Variants in CDR2L observed in about 807,000 individuals in gnomAD.
The protein encoded by CDR2L is cerebellar degeneration-related protein 2-like.
Under a neutral mutation model 36.1 loss-of-function variants are expected in CDR2L, and 19 were observed. The ratio of observed to expected loss-of-function variants is 0.53; its 90% confidence interval spans 0.37 to 0.77. The LOEUF is 0.77. Among genes scored for constraint, CDR2L ranks in the 30% least tolerant of loss-of-function variants. The probability of loss-of-function intolerance (pLI) is 0.00; values close to 1 mark genes in which losing one functional copy is unlikely to be tolerated. For synonymous variants in CDR2L, 285 were observed against 280.4 expected, an observed-to-expected ratio of 1.02 and a Z score of -0.16; for missense variants, 575 against 627.2, an observed-to-expected ratio of 0.92 and a Z score of 0.89.
intron 4 of CDR2L, 147 bp from the exon 5 acceptor site, chr17:75,003,036 G>C: frequency 1.2e-6 from 1 of 803,654 alleles, no homozygotes; most frequent in Non-Finnish European, 1.9e-6. Context: ...GAGGAGGGTG[G>C]AGAGCCAACG....
intron 1 of CDR2L, among the ~76,000 whole-genome samples, chr17:74,997,667 G>A (rs996685634): frequency 1.3e-5 from 2 of 151,520 alleles, no homozygotes; most frequent in African/African-American, 4.9e-5. Context: ...TAGGAGGGTC[G>A]CTTGAGGCCA....
intron 1 of CDR2L, among the ~76,000 whole-genome samples, chr17:74,996,107 ACAAT>A (rs915882452): frequency 9.2e-5 from 14 of 152,054 alleles, no homozygotes; most frequent in African/African-American, 3.1e-4. Context: ...AACCATCACC[ACAAT>A]CAATTTTAGA....
In CDR2L at chr17:75,003,829, G is replaced by C. The variant is rs766628578; in HGVS notation, c.1153G>C (p.Gly385Arg). 6.4e-7 allele frequency: 1 copy of C among 1,563,150 alleles called. No homozygotes were observed. Among genetic ancestry groups the C allele is most frequent in the South Asian group, 1.2e-5 (1 of 84,990 alleles). ...RQHGAGVRHA[G>R]VQTSRPISRD... ...GCACGGGGCCGGAGTGCGGCACGCC[G>C]GCGTGCAGACCTCGCGCCCCATCTC... Residue 385 changes from glycine to arginine, a missense_variant, in exon 5 of 5, where the codon GGC becomes CGC. By Grantham distance (125) the Gly-to-Arg change is moderately radical. Transcript: ENST00000337231.
At chr17:74,992,980 G>A (rs890006936) in intron 1 of CDR2L, among the ~76,000 whole-genome samples, 3 of 152,202 alleles carry the variant, frequency 2.0e-5, no homozygotes, top group African/African-American at 7.2e-5. Flanking sequence ...CTCCATGAAG[G>A]CCACTTACTT....
rs2039895490 is a variant in CDR2L at position 75,005,118 on chromosome 17, GC to G, written c.*1048del. On this transcript the variant is annotated 3_prime_UTR_variant, in exon 5 of 5. Coordinates refer to ENST00000337231, the MANE Select transcript of CDR2L (RefSeq NM_014603.3). This position sits in a 1 kb window ranked among gnomAD's most constrained non-coding sequence, Gnocchi z 4.2. ...CCCTTCACTGGGGACTGGGGTTTTC[GC>G]CCCATGCTGCATCGTGTTGTATTGG... 1 of 152,502 alleles carries G rather than the reference GC, an allele frequency of 6.6e-6. No individual in the cohort carries two copies. 9.4% of individuals were successfully genotyped at this position (152,502 alleles called of 1,614,324 possible). A position where few individuals can be genotyped will look rare whatever the true frequency, so the allele number is the denominator to read the frequency against.
intron 1 of CDR2L, 140 bp downstream of exon 1, chr17:74,988,262 A>T (rs2039775857): frequency 1.9e-6 from 1 of 530,804 alleles, no homozygotes; most frequent in Admixed American, 4.4e-5. Context: ...ACGCGTCTGG[A>T]GAACCGGGAC....
chr17:75,004,153 C>A lies in CDR2L; in HGVS notation c.*79C>A. ...CCTGGGCGGTGCAGCTTCCAGAGAG[C>A]GAGCGCCCTTTAGCGGCCTGCCACC... On this transcript the variant is annotated 3_prime_UTR_variant, in exon 5 of 5. Transcript: ENST00000337231. 3 of 1,308,426 alleles carry A rather than the reference C, an allele frequency of 2.3e-6. No homozygotes were observed. Among genetic ancestry groups the A allele is most frequent in the East Asian group, 2.5e-5 (1 of 40,162 alleles). 81.1% of individuals were successfully genotyped at this position (1,308,426 alleles called of 1,614,324 possible). A position where few individuals can be genotyped will look rare whatever the true frequency, so the allele number is the denominator to read the frequency against.
chr17:74,992,155 G>C (rs2039800976), intron 1 of CDR2L, among the ~76,000 whole-genome samples: 1 of 152,026 alleles, frequency 6.6e-6, no homozygotes, highest in East Asian at 1.9e-4. Context: ...CTGAGTCTCT[G>C]CTCTGGAATC....
intron 1 of CDR2L, among the ~76,000 whole-genome samples, 187 bp from the exon 2 acceptor site, chr17:74,999,305 CACACACACACAG>C (rs1364090339): frequency 1.7e-4 from 25 of 150,512 alleles, no homozygotes; most frequent in Non-Finnish European, 3.0e-4. Context: ...CACACACACA[CACACACACACAG>C]ACACACACAA....
At chr17:74,992,974 A>G (rs1192567814) in intron 1 of CDR2L, among the ~76,000 whole-genome samples, 1 of 152,260 alleles carries the variant, frequency 6.6e-6, no homozygotes, top group East Asian at 1.9e-4. Flanking sequence ...CAGGGGCTCC[A>G]TGAAGGCCAC....
intron 1 of CDR2L, among the ~76,000 whole-genome samples, chr17:74,996,269 C>T (rs1032857877): frequency 6.6e-6 from 1 of 151,824 alleles, no homozygotes. Flanking sequence ...CATGGTGAAA[C>T]CCCATCTCTA....
intron 1 of CDR2L, among the ~76,000 whole-genome samples, chr17:74,991,307 CA>C (rs988175758): frequency 6.6e-6 from 1 of 151,008 alleles, no homozygotes; most frequent in Non-Finnish European, 1.5e-5. Context: ...GAGGCTGAGC[CA>C]GGAGAATCTC....
At position 75,002,269 on chromosome 17, in the gene CDR2L, C is replaced by A. The variant is rs2039872120; in HGVS notation, c.506+41C>A. On this transcript the variant is annotated intron_variant, in intron 4 of 4. Transcript: ENST00000337231. This position sits in a 1 kb window ranked among gnomAD's most constrained non-coding sequence, Gnocchi z 4.1. The stretch of plus-strand genomic sequence containing the variant: ...GCTTGGTGTCTCTGGGATTGCCAGC[C>A]ATGGGAGGAAGGAGAGGCAGCAGGC... 6 of 1,568,310 alleles carry A rather than the reference C, an allele frequency of 3.8e-6. No homozygotes were observed. Among genetic ancestry groups the A allele is most frequent in the South Asian group, 1.2e-5 (1 of 85,316 alleles).
At position 75,002,339 on chromosome 17, in the gene CDR2L, G is replaced by A; in HGVS notation, c.506+111G>A. On this transcript the variant is annotated intron_variant, in intron 4 of 4. Transcript: ENST00000337231. The surrounding 1 kb of genome is among the most constrained non-coding windows in gnomAD (Gnocchi z 4.1). ...ATCATCCAGGCCATCAGAGAGACTG[G>A]TCCTGTTGCTAATGACAGTCACAGC... is the stretch of plus-strand genomic sequence containing the variant. 1.1e-6 allele frequency: 1 copy of A among 937,004 alleles called. No homozygotes were observed. Among genetic ancestry groups the A allele is most frequent in the East Asian group, 2.8e-5 (1 of 35,608 alleles). The allele number at this position is 937,004 out of a possible 1,614,324, so 58.0% of individuals were successfully genotyped here.
rs754396343 is a variant in CDR2L at position 75,004,122 on chromosome 17, C to T, written c.*48C>T. 1 of 1,521,408 alleles carries T rather than the reference C, an allele frequency of 6.6e-7. No individual in the cohort carries two copies. The highest frequency in any genetic ancestry group is 1.3e-5 in the South Asian group (1 of 78,456). 94.2% of individuals were successfully genotyped at this position (1,521,408 alleles called of 1,614,324 possible). ...CCCCAGGGTGGAAGCCGTGGGGTCC[C>T]TCAGGCCTGGGCGGTGCAGCTTCCA... is the stretch of plus-strand genomic sequence containing the variant. On this transcript the variant is annotated 3_prime_UTR_variant, in exon 5 of 5. Transcript: ENST00000337231.
At chr17:74,994,479 C>T (rs1379767310) in intron 1 of CDR2L, among the ~76,000 whole-genome samples, 1 of 152,162 alleles carries the variant, frequency 6.6e-6, no homozygotes, top group East Asian at 1.9e-4. Flanking sequence ...AATTGTATTT[C>T]TAGGAATTCT....
At chr17:74,999,288 G>GCACACA (rs113287746) in intron 1 of CDR2L, among the ~76,000 whole-genome samples, 37,129 of 144,710 alleles carry the variant, frequency 0.26, 5,951 homozygotes, top group Non-Finnish European at 0.36. Flanking sequence ...ATTACATCTT[G>GCACACA]CACACACACA....
chr17:74,996,849 C>T (rs949815060), intron 1 of CDR2L, among the ~76,000 whole-genome samples: 55 of 152,248 alleles, frequency 3.6e-4, no homozygotes, highest in African/African-American at 1.3e-3. Flanking sequence ...GAGCCCGATA[C>T]CTGAATTCTC....
intron 1 of CDR2L, among the ~76,000 whole-genome samples, chr17:74,993,364 G>A (rs1028622076): frequency 4.6e-5 from 7 of 151,608 alleles, no homozygotes; most frequent in East Asian, 1.9e-4. Context: ...TGCAACCTCC[G>A]CCTCCCAGGT....
Sources: allele counts gnomAD v4.1 joint callset (sites outside exome capture counted in the v4.1 genomes callset), GRCh38; gene constraint gnomAD v4.1.1; non-coding constraint Gnocchi (gnomAD v3.1); transcripts MANE v1.5; gene names NCBI Gene and HGNC (gene_info 2026-07-23, HGNC 2026-07-21).